The following HS6ST3 variants were observed in gnomAD, a reference collection of about 807,000 sequenced individuals.
HS6ST3 encodes heparan-sulfate 6-O-sulfotransferase 3.
Under a neutral mutation model 36.7 loss-of-function variants are expected in HS6ST3, and 12 were observed. The observed-to-expected ratio is 0.33, with a 90% confidence interval of 0.21 to 0.53. HS6ST3 has a LOEUF of 0.53. Ranked by LOEUF, HS6ST3 falls within the 20% of genes least tolerant of loss-of-function variation. HS6ST3 has a pLI of 0.95. For missense variants in HS6ST3, 584 were observed against 640.9 expected (o/e 0.91, Z 0.96); for synonymous variants, 240 against 257.5 (o/e 0.93, Z 0.65).
chr13:96,219,769 C>G lies in HS6ST3; in HGVS notation c.707+128200C>G, dbSNP rs574923795. Among the ~76,000 whole-genome samples the G allele has an allele frequency of 2.6e-5, 4 of 152,208 alleles. No individual in the cohort carries two copies. In the East Asian group the frequency reaches 7.7e-4, roughly 29 times the overall value. Reference sequence around the variant, plus strand: ...CGTGATCTTGGCTCACTGCAACCTCCGCTTCCGGGGTTCAAGCGAGTCTCC... The same window carrying G: ...CGTGATCTTGGCTCACTGCAACCTCGGCTTCCGGGGTTCAAGCGAGTCTCC... On this transcript the variant is annotated intron_variant, in intron 1 of 1. Coordinates refer to ENST00000376705, the MANE Select transcript of HS6ST3 (RefSeq NM_153456.4).
intron 1 of HS6ST3, among the ~76,000 whole-genome samples, chr13:96,773,858 C>G (rs1291390908): frequency 6.6e-6 from 1 of 152,170 alleles, no homozygotes; most frequent in African/African-American, 2.4e-5. Context: ...CAAGTGGGTC[C>G]CTGACCCCTG....
intron 1 of HS6ST3, among the ~76,000 whole-genome samples, chr13:96,166,259 G>C (rs988652397): frequency 7.2e-5 from 11 of 151,902 alleles, no homozygotes; most frequent in African/African-American, 2.7e-4. Flanking sequence ...GGTTGGTGTG[G>C]GTGAATCATT....
At chr13:96,540,701 T>A (rs1215284117) in intron 1 of HS6ST3, among the ~76,000 whole-genome samples, 1 of 152,338 alleles carries the variant, frequency 6.6e-6, no homozygotes, top group South Asian at 2.1e-4. Flanking sequence ...CTGCAAACCA[T>A]TTTTATTCTA....
intron 1 of HS6ST3, among the ~76,000 whole-genome samples, chr13:96,623,548 A>G (rs2056502241): frequency 6.6e-6 from 1 of 152,032 alleles, no homozygotes; most frequent in Non-Finnish European, 1.5e-5. Flanking sequence ...TTCAACCAAC[A>G]AGATAAGTGT....
At chr13:96,608,762 A>C (rs181783772) in intron 1 of HS6ST3, among the ~76,000 whole-genome samples, 2 of 152,264 alleles carry the variant, frequency 1.3e-5, no homozygotes, top group Admixed American at 1.3e-4. Flanking sequence ...AAACACAATT[A>C]AAGTTAGGTA....
intron 1 of HS6ST3, among the ~76,000 whole-genome samples, chr13:96,681,528 C>A (rs1444494708): frequency 1.3e-5 from 2 of 152,134 alleles, no homozygotes; most frequent in African/African-American, 2.4e-5. Context: ...CCTAGATTGA[C>A]AAGGATGGGC....
intron 1 of HS6ST3, among the ~76,000 whole-genome samples, chr13:96,188,467 A>G (rs1053721455): frequency 6.6e-6 from 1 of 152,122 alleles, no homozygotes; most frequent in Admixed American, 6.5e-5. Flanking sequence ...AAACAAACAA[A>G]CAAACAAATT....
intron 1 of HS6ST3, among the ~76,000 whole-genome samples, chr13:96,571,673 T>G (rs1192127858): frequency 2.0e-5 from 3 of 152,224 alleles, no homozygotes. Flanking sequence ...AGTCTAGGTC[T>G]TAGTCATGTT....
intron 1 of HS6ST3, among the ~76,000 whole-genome samples, chr13:96,422,255 C>T (rs1440299004): frequency 6.6e-6 from 1 of 152,164 alleles, no homozygotes; most frequent in Non-Finnish European, 1.5e-5. Context: ...GTGGGTTCTG[C>T]AACACGTGTA....
chr13:96,684,385 T>A (rs914603391), intron 1 of HS6ST3, among the ~76,000 whole-genome samples: 1 of 152,082 alleles, frequency 6.6e-6, no homozygotes, highest in African/African-American at 2.4e-5. Context: ...AACTTAAACA[T>A]TAGTGTTAAT....
intron 1 of HS6ST3, among the ~76,000 whole-genome samples, chr13:96,812,347 T>C (rs1237749386): frequency 6.6e-6 from 1 of 152,204 alleles, no homozygotes; most frequent in Non-Finnish European, 1.5e-5. Flanking sequence ...AGCCTTTTTT[T>C]CCTTTTTACT....
At chr13:96,583,856 T>C (rs1334101497) in intron 1 of HS6ST3, among the ~76,000 whole-genome samples, 1 of 152,192 alleles carries the variant, frequency 6.6e-6, no homozygotes, top group Non-Finnish European at 1.5e-5. Flanking sequence ...TATTGAGATT[T>C]TGGATTGTCT....
intron 1 of HS6ST3, among the ~76,000 whole-genome samples, chr13:96,798,204 G>A (rs2138525233): frequency 6.6e-6 from 1 of 152,088 alleles, no homozygotes; most frequent in African/African-American, 2.4e-5. Flanking sequence ...CCCTTCCCCA[G>A]GTGCACCACC....
At chr13:96,725,670 ATGTGTGTGTG>A (rs371549749) in intron 1 of HS6ST3, among the ~76,000 whole-genome samples, 1 of 148,436 alleles carries the variant, frequency 6.7e-6, no homozygotes, top group Non-Finnish European at 1.5e-5. Flanking sequence ...ACTGAATTGC[ATGTGTGTGTG>A]TGTGTGTGTG....
intron 1 of HS6ST3, among the ~76,000 whole-genome samples, chr13:96,434,935 A>C (rs2055634146): frequency 6.6e-6 from 1 of 152,140 alleles, no homozygotes; most frequent in Non-Finnish European, 1.5e-5. Flanking sequence ...GGTTGCCCCT[A>C]TAATGGAGTT....
intron 1 of HS6ST3, among the ~76,000 whole-genome samples, chr13:96,151,070 T>C (rs2054082535): frequency 6.6e-6 from 1 of 151,970 alleles, no homozygotes; most frequent in African/African-American, 2.4e-5. Context: ...TGGCGGGACA[T>C]CCATGTGAAA....
chr13:96,344,648 A>C (rs4771935), intron 1 of HS6ST3, among the ~76,000 whole-genome samples: 54,731 of 152,008 alleles, frequency 0.36, 10,125 homozygotes, highest in African/African-American at 0.42. Context: ...TTAGTGGTAC[A>C]CACTGACCCT....
intron 1 of HS6ST3, among the ~76,000 whole-genome samples, chr13:96,184,438 C>A (rs901462758): frequency 6.6e-6 from 1 of 152,074 alleles, no homozygotes; most frequent in African/African-American, 2.4e-5. Flanking sequence ...TCTCTCTTCC[C>A]ACACATCCAA....
At chr13:96,687,529 G>A (rs1483153310) in intron 1 of HS6ST3, among the ~76,000 whole-genome samples, 2 of 151,848 alleles carry the variant, frequency 1.3e-5, no homozygotes, top group East Asian at 3.9e-4. Flanking sequence ...GAAATGAAGG[G>A]CAGAAATGAT....
Sources: gnomAD v4.1 joint callset for allele counts (sites outside exome capture counted in the v4.1 genomes callset) on GRCh38, gnomAD v4.1.1 for gene constraint, MANE v1.5 for transcripts, NCBI Gene and HGNC (gene_info 2026-07-23, HGNC 2026-07-21) for gene names.